NRXN1: variants seen among roughly 807,000 people sequenced by gnomAD.
NRXN1 encodes the protein neurexin 1.
A neutral mutation model predicts 150.9 loss-of-function variants in NRXN1; 39 were observed. That is an observed-to-expected ratio of 0.26 (90% CI 0.20 to 0.34). The LOEUF (loss-of-function observed/expected upper bound fraction) is 0.34, where lower values mean the gene tolerates loss of function less well. Among genes scored for constraint, NRXN1 ranks in the 10% least tolerant of loss-of-function variants. The pLI, the probability that NRXN1 is intolerant of heterozygous loss-of-function variation, is 1.00. For synonymous variants in NRXN1, 924 were observed against 757.0 expected (o/e 1.22, Z -3.62); for missense variants, 1,815 against 1,949.9 (o/e 0.93, Z 1.30).
At chr2:50,444,407 C>G (rs1011257788) in intron 17 of NRXN1, among the ~76,000 whole-genome samples, 1 of 152,128 alleles carries the variant, frequency 6.6e-6, no homozygotes, top group Non-Finnish European at 1.5e-5. Context: ...ACAGCACCCA[C>G]AGAACCCATA....
intron 21 of NRXN1, among the ~76,000 whole-genome samples, chr2:50,014,262 T>C (rs1406805801): frequency 6.6e-6 from 1 of 152,086 alleles, no homozygotes; most frequent in East Asian, 1.9e-4. Context: ...TGAGGATTAG[T>C]TACCAATGCA....
At chr2:50,241,951 T>C (rs943121534) in intron 17 of NRXN1, among the ~76,000 whole-genome samples, 4 of 151,830 alleles carry the variant, frequency 2.6e-5, no homozygotes, top group African/African-American at 9.7e-5. Context: ...GGATCCTTGC[T>C]ACATGAACAA....
intron 8 of NRXN1, among the ~76,000 whole-genome samples, chr2:50,565,980 G>T (rs1434625314): frequency 6.6e-6 from 1 of 152,106 alleles, no homozygotes; most frequent in African/African-American, 2.4e-5. Flanking sequence ...GACACCAGTG[G>T]ATATTCTTTA....
At chr2:50,216,841 C>G (rs1030924574) in intron 18 of NRXN1, among the ~76,000 whole-genome samples, 2 of 152,130 alleles carry the variant, frequency 1.3e-5, no homozygotes, top group Non-Finnish European at 2.9e-5. Context: ...CTGCCATCCT[C>G]AAAGCAGAGA....
At chr2:50,906,052 A>G (rs559703719) in intron 5 of NRXN1, among the ~76,000 whole-genome samples, 1 of 152,236 alleles carries the variant, frequency 6.6e-6, no homozygotes, top group Admixed American at 6.5e-5. Flanking sequence ...GAATGGTGTT[A>G]TATAGTGGAT....
chr2:50,097,036 G>T (rs1700319678), intron 18 of NRXN1, among the ~76,000 whole-genome samples: 1 of 152,174 alleles, frequency 6.6e-6, no homozygotes. Flanking sequence ...CGTAAGTAAA[G>T]ATTTCGGTCT....
At chr2:50,800,797 G>A (rs143362090) in intron 5 of NRXN1, among the ~76,000 whole-genome samples, 5 of 152,168 alleles carry the variant, frequency 3.3e-5, no homozygotes, top group South Asian at 2.1e-4. Flanking sequence ...TGATCCATCC[G>A]CCCCAGCCTC....
chr2:50,772,020 C>T (rs185690717), intron 5 of NRXN1, among the ~76,000 whole-genome samples: 21 of 152,104 alleles, frequency 1.4e-4, no homozygotes, highest in African/African-American at 4.6e-4. Flanking sequence ...TACCGTCTCC[C>T]AAAATATCTA....
At chr2:50,381,740 C>G (rs1227808223) in intron 17 of NRXN1, among the ~76,000 whole-genome samples, 8 of 152,128 alleles carry the variant, frequency 5.3e-5, no homozygotes, top group Non-Finnish European at 7.4e-5. Context: ...TTTGCACCAT[C>G]CTAATAGTTT....
At chr2:50,489,478 CA>C (rs1227185017) in intron 15 of NRXN1, among the ~76,000 whole-genome samples, 3 of 147,956 alleles carry the variant, frequency 2.0e-5, no homozygotes, top group African/African-American at 5.3e-5. Flanking sequence ...TTGATATGAG[CA>C]ACGCAACTTC....
intron 5 of NRXN1, among the ~76,000 whole-genome samples, chr2:50,759,200 T>A (rs1701508800): frequency 6.6e-6 from 1 of 151,956 alleles, no homozygotes; most frequent in South Asian, 2.1e-4. Flanking sequence ...CAATGTATAT[T>A]TCAAGGTAAG....
At chr2:50,808,160 G>A (rs541002265) in intron 5 of NRXN1, among the ~76,000 whole-genome samples, 1 of 152,176 alleles carries the variant, frequency 6.6e-6, no homozygotes, top group African/African-American at 2.4e-5. Context: ...AAAGTAAGAA[G>A]TACAGTGTTA....
chr2:50,393,979 A>G (rs2081903101), intron 17 of NRXN1, among the ~76,000 whole-genome samples: 1 of 152,172 alleles, frequency 6.6e-6, no homozygotes, highest in Non-Finnish European at 1.5e-5. Flanking sequence ...TAAATAAAAC[A>G]TCTGACACGG....
At chr2:50,540,716 G>A (rs1465605679) in intron 9 of NRXN1, among the ~76,000 whole-genome samples, 4 of 151,808 alleles carry the variant, frequency 2.6e-5, no homozygotes, top group Admixed American at 2.0e-4. Flanking sequence ...AAGCTGGAGT[G>A]CAGTGGCAGG....
intron 18 of NRXN1, among the ~76,000 whole-genome samples, chr2:50,112,871 T>C (rs1702562079): frequency 6.6e-6 from 1 of 152,140 alleles, no homozygotes; most frequent in Non-Finnish European, 1.5e-5. Context: ...AATTATACTA[T>C]TCTAGATATA....
chr2:50,612,520 G>C (rs772803247), intron 8 of NRXN1, among the ~76,000 whole-genome samples: 4 of 152,022 alleles, frequency 2.6e-5, no homozygotes, highest in South Asian at 2.1e-4. Context: ...ATGCCTCTTG[G>C]GTAACTCACT....
chr2:50,044,533 T>C (rs552678249), intron 21 of NRXN1, among the ~76,000 whole-genome samples: 11 of 152,322 alleles, frequency 7.2e-5, no homozygotes, highest in African/African-American at 2.6e-4. Flanking sequence ...AGAAGCATGT[T>C]TCCCCAATAT....
chr2:50,465,570 C>A lies in NRXN1; in HGVS notation c.3245-9G>T. ...GCAGGTTGTGCTGGGCCCTGCAAAA[C>A]AATCCAAAGGAAACTTGGGTTCTTT... On this transcript the variant is annotated splice_polypyrimidine_tract_variant and intron_variant, in intron 16 of 22. Coordinates refer to ENST00000401669, the MANE Select transcript of NRXN1 (RefSeq NM_001330078.2). 1 of 1,599,362 alleles carries A rather than the reference C, an allele frequency of 6.3e-7. No individual in the cohort carries two copies. Among genetic ancestry groups the A allele is most frequent in the South Asian group, 1.1e-5 (1 of 88,806 alleles).
intron 21 of NRXN1, among the ~76,000 whole-genome samples, chr2:50,030,828 T>G (rs1689071406): frequency 6.6e-6 from 1 of 152,154 alleles, no homozygotes; most frequent in South Asian, 2.1e-4. Flanking sequence ...AGAGTTTTCT[T>G]GAGATCTTTT....
Sources: allele counts gnomAD v4.1 joint callset (sites outside exome capture counted in the v4.1 genomes callset), GRCh38; gene constraint gnomAD v4.1.1; transcripts MANE v1.5; gene names NCBI Gene and HGNC (gene_info 2026-07-23, HGNC 2026-07-21).